FYB1: variants seen among roughly 807,000 people sequenced by gnomAD.
FYB1 encodes FYN binding protein 1, also known as FYN-binding protein 1.
In FYB1, 41 loss-of-function variants were observed where a neutral mutation model predicts 94.1. That is an observed-to-expected ratio of 0.44 (90% CI 0.34 to 0.57). The LOEUF is 0.57. Ranked by LOEUF, FYB1 falls within the 20% of genes least tolerant of loss-of-function variation. FYB1 has a pLI of 0.02. For synonymous variants in FYB1, 367 were observed against 353.2 expected, an observed-to-expected ratio of 1.04 and a Z score of -0.44; for missense variants, 1,050 against 976.8, an observed-to-expected ratio of 1.07 and a Z score of -1.00.
chr5:39,124,867 A>G (rs1561139376), intron 12 of FYB1, among the ~76,000 whole-genome samples: 1 of 151,824 alleles, frequency 6.6e-6, no homozygotes, highest in Non-Finnish European at 1.5e-5. Context: ...GCTGCAACAG[A>G]AGAAGACCCA....
At chr5:39,219,377 T>C (rs1750118338) in intron 1 of FYB1, 66 bp downstream of exon 1, 1 of 948,036 alleles carries the variant, frequency 1.1e-6, no homozygotes, top group Admixed American at 6.2e-5. Flanking sequence ...TTGGAAGTGG[T>C]GCTTTTTTCC....
chr5:39,259,694 A>G (rs918834982), intron 1 of FYB1, among the ~76,000 whole-genome samples: 2 of 152,242 alleles, frequency 1.3e-5, no homozygotes, highest in African/African-American at 4.8e-5. Context: ...TTTAGGATTC[A>G]TTAAGAAATA....
At chr5:39,139,201 C>T in intron 5 of FYB1, 32 bp downstream of exon 5, 1 of 1,439,406 alleles carries the variant, frequency 6.9e-7, no homozygotes, top group Non-Finnish European at 9.4e-7. Flanking sequence ...CTGATTATGT[C>T]AATATAATAT....
At chr5:39,167,868 T>C (rs1011244764) in intron 2 of FYB1, among the ~76,000 whole-genome samples, 3 of 152,280 alleles carry the variant, frequency 2.0e-5, no homozygotes, top group Admixed American at 6.5e-5. Flanking sequence ...AATCACTTTT[T>C]AATTTCATTA....
chr5:39,121,183 CAAAAAAA>C (rs56376626), intron 14 of FYB1, among the ~76,000 whole-genome samples: 8 of 57,670 alleles, frequency 1.4e-4, no homozygotes, highest in African/African-American at 1.8e-4. Flanking sequence ...TAATGTAAAG[CAAAAAAA>C]AAAAAAAAAA....
intron 14 of FYB1, among the ~76,000 whole-genome samples, chr5:39,120,366 G>A (rs1739977307): frequency 6.6e-6 from 1 of 151,838 alleles, no homozygotes; most frequent in Non-Finnish European, 1.5e-5. Flanking sequence ...CTAGGATCCA[G>A]GTATAGAAAT....
At chr5:39,272,391 G>A (rs761874345) in intron 1 of FYB1, among the ~76,000 whole-genome samples, 6 of 151,940 alleles carry the variant, frequency 3.9e-5, no homozygotes, top group Admixed American at 6.6e-5. Context: ...CAGCCCGGGC[G>A]CGGTGGCTCA....
chr5:39,132,030 G>T (rs544312553), intron 9 of FYB1, among the ~76,000 whole-genome samples: 5 of 152,240 alleles, frequency 3.3e-5, no homozygotes, highest in African/African-American at 1.2e-4. Flanking sequence ...TGGTAGAGGG[G>T]TATTTGCATT....
At chr5:39,220,844 C>T (rs115179778), upstream of FYB1, among the ~76,000 whole-genome samples, 56 of 152,220 alleles carry the variant, frequency 3.7e-4, no homozygotes, top group African/African-American at 1.3e-3. Flanking sequence ...TTGTACAGAC[C>T]TCAGGCTAAG....
intron 1 of FYB1, among the ~76,000 whole-genome samples, chr5:39,205,247 C>T (rs1202710941): frequency 6.6e-6 from 1 of 152,180 alleles, no homozygotes; most frequent in African/African-American, 2.4e-5. Context: ...AGCTGAGTGA[C>T]TAAGCACAGA....
intron 3 of FYB1, among the ~76,000 whole-genome samples, chr5:39,152,155 A>C (rs1743304957): frequency 6.6e-6 from 1 of 152,240 alleles, no homozygotes; most frequent in Non-Finnish European, 1.5e-5. Flanking sequence ...CCATAAATTC[A>C]AATGCCTTGA....
At chr5:39,199,821 C>CT (rs1411826797) in intron 2 of FYB1, among the ~76,000 whole-genome samples, 2 of 152,072 alleles carry the variant, frequency 1.3e-5, no homozygotes, top group Admixed American at 1.3e-4. Context: ...ACACTTACTG[C>CT]TTTTTCAGTC....
At chr5:39,272,670 CAAAAAAAAAAAAA>C (rs1195291951) in intron 1 of FYB1, among the ~76,000 whole-genome samples, 2 of 70,874 alleles carry the variant, frequency 2.8e-5, no homozygotes, top group Non-Finnish European at 5.3e-5. Context: ...AGACTCATCT[CAAAAAAAAAAAAA>C]AAAAAAAAAG....
chr5:39,204,023 C>A (rs1479223971), intron 1 of FYB1, among the ~76,000 whole-genome samples: 1 of 152,152 alleles, frequency 6.6e-6, no homozygotes. Flanking sequence ...GTGGCCATGA[C>A]AATTTCCCTT....
rs772616553 is a variant in FYB1, at chr5:39,130,636, T to A, written c.1818-24A>T. On this transcript the variant is annotated intron_variant, in intron 9 of 18. Transcript: ENST00000512982. ...GGCTAGAAAAGAAACCCAGAAATAT[T>A]AAGTTAATCTATGAATTACTTAGCT... 8 of 1,547,080 alleles carry A rather than the reference T, an allele frequency of 5.2e-6. No individual in the cohort carries two copies. In the South Asian group the frequency reaches 9.5e-5, roughly 18 times the overall value.
chr5:39,141,726 G>T (rs1346888726), intron 3 of FYB1, among the ~76,000 whole-genome samples: 1 of 152,020 alleles, frequency 6.6e-6, no homozygotes, highest in Admixed American at 6.6e-5. Flanking sequence ...CAAAAAATTA[G>T]CCTGGCATGG....
chr5:39,262,239 C>T lies in FYB1; in HGVS notation c.-28+12164G>A, dbSNP rs964658925. 2.0e-5 allele frequency among the ~76,000 whole-genome samples: 3 copies of T among 151,844 alleles called. No homozygotes were observed. The South Asian group carries it at 6.2e-4, about 32-fold the overall frequency. On this transcript the variant is annotated intron_variant, in intron 1 of 1. Transcript: ENST00000510188. ...CCATAGACTGGGAGAGCAAAATTTG[C>T]AATGCTTGTAATTGACACAGGATTA... is the stretch of plus-strand genomic sequence containing the variant.
At chr5:39,190,071 C>T (rs143915198) in intron 2 of FYB1, among the ~76,000 whole-genome samples, 31 of 152,270 alleles carry the variant, frequency 2.0e-4, no homozygotes, top group Admixed American at 5.9e-4. Flanking sequence ...TTAAGGAGCA[C>T]GGTAACATAG....
chr5:39,141,873 G>GAAA (rs199557798), intron 3 of FYB1, among the ~76,000 whole-genome samples: 2 of 129,932 alleles, frequency 1.5e-5, no homozygotes, highest in Non-Finnish European at 1.7e-5. Context: ...TTCTGTCTCA[G>GAAA]AAAAAAAAAA....
Sources: gnomAD v4.1 joint callset for allele counts (sites outside exome capture counted in the v4.1 genomes callset) on GRCh38, gnomAD v4.1.1 for gene constraint, MANE v1.5 for transcripts, NCBI Gene and HGNC (gene_info 2026-07-23, HGNC 2026-07-21) for gene names.